EPHA6: variants seen among roughly 807,000 people sequenced by gnomAD.
The protein encoded by EPHA6 is ephrin type-A receptor 6.
A neutral mutation model predicts 112.0 loss-of-function variants in EPHA6; 50 were observed. That is an observed-to-expected ratio of 0.45 (90% CI 0.36 to 0.56). The LOEUF (loss-of-function observed/expected upper bound fraction) is 0.56, where lower values mean the gene tolerates loss of function less well. Among genes scored for constraint, EPHA6 ranks in the 20% least tolerant of loss-of-function variants. EPHA6 has a pLI of 0.00. For synonymous variants in EPHA6, 529 were observed against 490.7 expected, an observed-to-expected ratio of 1.08 and a Z score of -1.03; for missense variants, 1,280 against 1,417.4, an observed-to-expected ratio of 0.90 and a Z score of 1.56.
intron 3 of EPHA6, among the ~76,000 whole-genome samples, chr3:97,205,647 G>C (rs2077696334): frequency 6.6e-6 from 1 of 151,922 alleles, no homozygotes; most frequent in Non-Finnish European, 1.5e-5. Context: ...TATACCTAGG[G>C]GTCTTGGAAT....
intron 5 of EPHA6, among the ~76,000 whole-genome samples, chr3:97,307,158 G>T (rs890287497): frequency 4.0e-5 from 6 of 151,496 alleles, no homozygotes; most frequent in African/African-American, 1.5e-4. Context: ...GTTATTTAAG[G>T]ACCTATGGCT....
At chr3:97,537,794 G>A (rs970823810) in intron 11 of EPHA6, among the ~76,000 whole-genome samples, 40 of 152,074 alleles carry the variant, frequency 2.6e-4, no homozygotes, top group African/African-American at 9.4e-4. Context: ...GGCCAGGCTG[G>A]TCTCGAACTC....
intron 6 of EPHA6, among the ~76,000 whole-genome samples, chr3:97,443,845 T>C (rs2090227676): frequency 6.6e-6 from 1 of 152,136 alleles, no homozygotes; most frequent in Non-Finnish European, 1.5e-5. Context: ...AGTGTATAGA[T>C]AGTTAAGAAC....
intron 5 of EPHA6, among the ~76,000 whole-genome samples, chr3:97,325,704 A>G (rs867133131): frequency 6.6e-6 from 1 of 151,982 alleles, no homozygotes; most frequent in African/African-American, 2.4e-5. Context: ...AATTTTTGGT[A>G]TGTTCATCTA....
chr3:96,970,112 T>G (rs1426011229), intron 2 of EPHA6, among the ~76,000 whole-genome samples: 4 of 151,902 alleles, frequency 2.6e-5, no homozygotes, highest in Non-Finnish European at 5.9e-5. Flanking sequence ...CTCTTTTTAT[T>G]AAAGTGCTTC....
At chr3:97,666,050 C>A (rs565728632) in intron 14 of EPHA6, among the ~76,000 whole-genome samples, 166 of 150,210 alleles carry the variant, frequency 1.1e-3, no homozygotes, top group African/African-American at 3.6e-3. Flanking sequence ...GTGTGAGACT[C>A]CATCTCAAAA....
At chr3:97,423,142 A>C (rs565303045) in intron 6 of EPHA6, among the ~76,000 whole-genome samples, 24 of 152,232 alleles carry the variant, frequency 1.6e-4, no homozygotes, top group Non-Finnish European at 3.1e-4. Context: ...TACTACTGGA[A>C]GTAGCAGCTA....
intron 3 of EPHA6, among the ~76,000 whole-genome samples, chr3:97,134,604 C>G (rs982026945): frequency 4.6e-5 from 7 of 151,966 alleles, no homozygotes; most frequent in African/African-American, 4.8e-5. Context: ...AATAATTCCC[C>G]TAAATAATAC....
chr3:97,412,139 TA>T (rs2087759181), intron 6 of EPHA6, among the ~76,000 whole-genome samples: 1 of 151,972 alleles, frequency 6.6e-6, no homozygotes, highest in South Asian at 2.1e-4. Flanking sequence ...TAGACTGAAA[TA>T]AAGGTTATGA....
In EPHA6 at chr3:96,845,459, C is replaced by T. The variant is rs185346490; in HGVS notation, c.386-21366C>T. On this transcript the variant is annotated intron_variant, in intron 1 of 17. Transcript: ENST00000389672. ...CCTCACATCAGTAACTCTGATGATGCCTCGCTGCTGATGTTGGTCTCCATG... is the reference window on the plus strand; with the variant it reads ...CCTCACATCAGTAACTCTGATGATGTCTCGCTGCTGATGTTGGTCTCCATG... Among the ~76,000 whole-genome samples, 322 of 152,002 alleles carry T rather than the reference C, an allele frequency of 2.1e-3. 1 individual carries two copies. The highest frequency in any genetic ancestry group is 2.1e-3 in the Non-Finnish European group (140 of 67,930).
At chr3:96,961,620 A>G (rs2041951356) in intron 2 of EPHA6, among the ~76,000 whole-genome samples, 1 of 149,604 alleles carries the variant, frequency 6.7e-6, no homozygotes, top group African/African-American at 2.6e-5. Context: ...GATATTTTGC[A>G]TAAACTAGCA....
In EPHA6 at chr3:97,751,778, T is replaced by C. The variant is rs899509914; in HGVS notation, c.*3077T>C. Among the ~76,000 whole-genome samples the C allele has an allele frequency of 6.6e-6, 1 of 152,174 alleles. No homozygotes were observed. The highest frequency in any genetic ancestry group is 1.5e-5 in the Non-Finnish European group (1 of 67,994). ...CAGGAATAATCTTTGATACCTAAAA[T>C]ATGCATATAGACTCACATACCTACT... On this transcript the variant is annotated 3_prime_UTR_variant, in exon 18 of 18. Transcript: ENST00000389672.
At chr3:97,558,402 A>T (rs1221893102) in intron 11 of EPHA6, among the ~76,000 whole-genome samples, 6 of 151,990 alleles carry the variant, frequency 3.9e-5, no homozygotes, top group Admixed American at 1.3e-4. Context: ...TCAACCTTCT[A>T]CCAGGCCCCT....
At chr3:97,514,678 A>C (rs1425380644) in intron 10 of EPHA6, among the ~76,000 whole-genome samples, 1 of 152,150 alleles carries the variant, frequency 6.6e-6, no homozygotes, top group Non-Finnish European at 1.5e-5. Context: ...ATTTTGAGGA[A>C]GTAATTAAAG....
At chr3:97,571,707 G>A (rs766596066) in intron 11 of EPHA6, among the ~76,000 whole-genome samples, 9 of 152,140 alleles carry the variant, frequency 5.9e-5, no homozygotes, top group South Asian at 2.1e-4. Context: ...GCAGACACAC[G>A]TTAGACCTGA....
intron 5 of EPHA6, among the ~76,000 whole-genome samples, chr3:97,267,874 G>A (rs1471908736): frequency 6.6e-6 from 1 of 152,130 alleles, no homozygotes; most frequent in Non-Finnish European, 1.5e-5. Context: ...TGCATGACGA[G>A]ATAAAGATGA....
intron 2 of EPHA6, among the ~76,000 whole-genome samples, chr3:96,894,582 T>A (rs1330237988): frequency 6.6e-6 from 1 of 151,968 alleles, no homozygotes; most frequent in Non-Finnish European, 1.5e-5. Context: ...GGGCTTGAGA[T>A]AATGTCAGCA....
intron 2 of EPHA6, among the ~76,000 whole-genome samples, chr3:96,951,767 G>A (rs963538988): frequency 2.0e-5 from 3 of 152,102 alleles, no homozygotes; most frequent in Non-Finnish European, 4.4e-5. Flanking sequence ...GTTATATTAT[G>A]CAGTTTCTTC....
At chr3:97,441,552 T>A in intron 6 of EPHA6, 1 of 469,800 alleles carries the variant, frequency 2.1e-6, no homozygotes, top group Non-Finnish European at 2.8e-6. Flanking sequence ...AGTTTCTGTT[T>A]TTACTGTTAC....
Sources: gnomAD v4.1 joint callset for allele counts (sites outside exome capture counted in the v4.1 genomes callset) on GRCh38, gnomAD v4.1.1 for gene constraint, MANE v1.5 for transcripts, NCBI Gene and HGNC (gene_info 2026-07-23, HGNC 2026-07-21) for gene names.